Variants in TNFRSF4 observed in about 807,000 individuals in gnomAD.
TNFRSF4 encodes the protein TNF receptor superfamily member 4.
Under a neutral mutation model 29.5 loss-of-function variants are expected in TNFRSF4, and 21 were observed. That is an observed-to-expected ratio of 0.71 (90% CI 0.51 to 1.03). The LOEUF (loss-of-function observed/expected upper bound fraction) is 1.03, where lower values mean the gene tolerates loss of function less well. Among genes scored for constraint, TNFRSF4 ranks in the 50% least tolerant of loss-of-function variants. The probability of loss-of-function intolerance (pLI) is 0.00; values close to 1 mark genes in which losing one functional copy is unlikely to be tolerated. For synonymous variants in TNFRSF4, 197 were observed against 172.7 expected, an observed-to-expected ratio of 1.14 and a Z score of -1.10; for missense variants, 408 against 387.8, an observed-to-expected ratio of 1.05 and a Z score of -0.44.
At position 1,211,688 on chromosome 1, in the gene TNFRSF4, G is replaced by T; in HGVS notation, c.763+16C>A. 1 of 1,591,588 alleles carries T rather than the reference G, an allele frequency of 6.3e-7. No individual in the cohort carries two copies. The highest frequency in any genetic ancestry group is 1.1e-5 in the South Asian group (1 of 88,928). ...CACCCGCCAGGAGCAGTGCGGCAGG[G>T]CCATGAGGCACTCACCAGGGGGCTT... On this transcript the variant is annotated intron_variant, in intron 6 of 6. Coordinates refer to ENST00000379236, the MANE Select transcript of TNFRSF4 (RefSeq NM_003327.4).
At chr1:1,213,444 T>C in intron 2 of TNFRSF4, 1 of 1,524,950 alleles carries the variant, frequency 6.6e-7, no homozygotes, top group Admixed American at 2.1e-5. Flanking sequence ...TCTCCCCGAC[T>C]CCACGTGGCC....
chr1:1,211,948 G>A lies in TNFRSF4; in HGVS notation c.628C>T (p.Pro210Ser), dbSNP rs1370526021. ...CTGGGCCAGGCGCCCTTACCCCCGGGGACCTCCACGGGCCGGGTGGAGGGT... is the reference window on the plus strand; with the variant it reads ...CTGGGCCAGGCGCCCTTACCCCCGGAGACCTCCACGGGCCGGGTGGAGGGT... ...QGPSTRPVEV[P>S]GGRAVAAILG... is the part of the protein sequence containing the mutation. Residue 210 changes from proline (P) to serine (S), a missense_variant, in exon 5 of 7, where the codon CCC becomes TCC. Coordinates refer to ENST00000379236, the MANE Select transcript of TNFRSF4 (RefSeq NM_003327.4). 1 of 1,567,970 alleles carries A rather than the reference G, an allele frequency of 6.4e-7. No homozygotes were observed.
intron 3 of TNFRSF4, 25 bp downstream of exon 3, chr1:1,212,967 C>T (rs1168291843): frequency 7.5e-6 from 12 of 1,593,934 alleles, no homozygotes; most frequent in African/African-American, 4.0e-5. Flanking sequence ...CACCCCCAAC[C>T]GCCGGCCGCA....
At chr1:1,212,816 G>T in intron 3 of TNFRSF4, 112 bp from the exon 4 acceptor site, 1 of 1,217,366 alleles carries the variant, frequency 8.2e-7, no homozygotes, top group Non-Finnish European at 1.1e-6. Context: ...GGTGGGTTTG[G>T]CCTCTGGAAG....
rs777266991 is a variant in TNFRSF4, at chr1:1,213,030, G to C, written c.332C>G (p.Ala111Gly). 6.2e-6 allele frequency: 10 copies of C among 1,611,480 alleles called. No homozygotes were observed. The highest frequency in any genetic ancestry group is 8.5e-6 in the Non-Finnish European group (10 of 1,179,500). ...ATQDTVCRCR[A>G]GTQPLDSYKP... The stretch of plus-strand genomic sequence containing the variant: ...GTAGCTGTCCAGGGGCTGGGTGCCC[G>C]CCCGGCAGCGGCAGACTGTGTCCTG... Residue 111 changes from alanine (A) to glycine (G), a missense_variant, in exon 3 of 7, where the codon GCG (alanine) becomes GGG (glycine). Coordinates refer to ENST00000379236, the MANE Select transcript of TNFRSF4 (RefSeq NM_003327.4).
intron 3 of TNFRSF4, 34 bp from the exon 4 acceptor site, chr1:1,212,738 A>C: frequency 6.7e-7 from 1 of 1,497,428 alleles, no homozygotes; most frequent in East Asian, 2.4e-5. Context: ...GGGGCTGCCC[A>C]CAGGCCCCGG....
In TNFRSF4 at chr1:1,212,637, C is replaced by G; in HGVS notation, c.437+1G>C. The stretch of plus-strand genomic sequence containing the variant: ...TCCCAGCCCCTGGCCAGGCCCCTCA[C>G]TTGGTCCAGGGCTTGCAGGCCTGGT... On this transcript the variant is annotated splice_donor_variant, in intron 4 of 6. Transcript: ENST00000379236. LOFTEE classifies it high-confidence loss of function. The G allele has an allele frequency of 6.5e-7, 1 of 1,537,470 alleles. No individual in the cohort carries two copies. Among genetic ancestry groups the G allele is most frequent in the Non-Finnish European group, 8.8e-7 (1 of 1,140,858 alleles).
intron 2 of TNFRSF4, chr1:1,213,344 C>CGCCA: frequency 6.5e-7 from 1 of 1,530,002 alleles, no homozygotes; most frequent in Non-Finnish European, 8.7e-7. Flanking sequence ...CGCCTCCAGC[C>CGCCA]GCCAGCCCCG....
In TNFRSF4 at chr1:1,213,031, C is replaced by A; in HGVS notation, c.331G>T (p.Ala111Ser). 6.2e-7 allele frequency: 1 copy of A among 1,611,628 alleles called. No individual in the cohort carries two copies. ...TAGCTGTCCAGGGGCTGGGTGCCCG[C>A]CCGGCAGCGGCAGACTGTGTCCTGT... Reference protein sequence around the residue: ...ATQDTVCRCRAGTQPLDSYKP... With the variant: ...ATQDTVCRCRSGTQPLDSYKP... Residue 111 changes from alanine to serine, a missense_variant, in exon 3 of 7, where the codon GCG (alanine) becomes TCG (serine). Ala to Ser is a moderately conservative substitution (Grantham distance 99). Coordinates refer to ENST00000379236, the MANE Select transcript of TNFRSF4 (RefSeq NM_003327.4).
intron 4 of TNFRSF4, 36 bp from the exon 5 acceptor site, chr1:1,212,174 AC>A (rs748683115): frequency 5.6e-6 from 9 of 1,606,602 alleles, no homozygotes; most frequent in Non-Finnish European, 6.8e-6. Context: ...CAGGCCAGAA[AC>A]CCCCTGGGAC....
At chr1:1,213,606 G>A (rs1649308747) in intron 2 of TNFRSF4, 57 bp downstream of exon 2, 6 of 1,519,652 alleles carry the variant, frequency 3.9e-6, no homozygotes, top group Non-Finnish European at 5.3e-6. Flanking sequence ...GGGAATGTGG[G>A]TGCCAGGCTG....
chr1:1,213,652 T>C lies in TNFRSF4; in HGVS notation c.268+11A>G. ...TGCTGGGTGGGGCTGTGGGGCCAGG[T>C]GGGAGCTCACTGAGGTTACACCACG... is the stretch of plus-strand genomic sequence containing the variant. On this transcript the variant is annotated intron_variant, in intron 2 of 6. Transcript: ENST00000379236. 6.3e-7 allele frequency: 1 copy of C among 1,581,364 alleles called. No individual in the cohort carries two copies. Among genetic ancestry groups the C allele is most frequent in the Non-Finnish European group, 8.6e-7 (1 of 1,163,836 alleles).
rs780202182 is a variant in TNFRSF4 at position 1,211,960 on chromosome 1, G to A, written c.616C>T (p.Pro206Ser). 1 of 1,582,552 alleles carries A rather than the reference G, an allele frequency of 6.3e-7. No homozygotes were observed. The highest frequency in any genetic ancestry group is 1.8e-5 in the Admixed American group (1 of 54,974). The change falls in exon 5 of 7, where the codon CCC (proline) becomes TCC (serine). Residue 206 changes from proline to serine, a missense_variant. Physicochemically the swap from Pro to Ser is moderately conservative, Grantham distance 74. Transcript: ENST00000379236. The stretch of plus-strand genomic sequence containing the variant: ...CCCTTACCCCCGGGGACCTCCACGG[G>A]CCGGGTGGAGGGTCCCTGTGAGGTT... ...PRTSQGPSTR[P>S]VEVPGGRAVA...
At position 1,211,410 on chromosome 1, in the gene TNFRSF4, C is replaced by T; in HGVS notation, c.*145G>A. ...ATGCATGGCATACGTAAGCAGAGAG[C>T]CGGAGGCAGCCATCGGCACCTAGAA... On this transcript the variant is annotated 3_prime_UTR_variant, in exon 7 of 7. Coordinates refer to ENST00000379236, the MANE Select transcript of TNFRSF4 (RefSeq NM_003327.4). 1.4e-6 allele frequency: 1 copy of T among 738,536 alleles called. No homozygotes were observed. The allele number at this position is 738,536 out of a possible 1,614,324, so 45.7% of individuals were successfully genotyped here.
rs537939136 is a variant in TNFRSF4 at position 1,213,113 on chromosome 1, G to T, written c.269-20C>A. On this transcript the variant is annotated intron_variant, in intron 2 of 6. Coordinates refer to ENST00000379236, the MANE Select transcript of TNFRSF4 (RefSeq NM_003327.4). ...CACTTCCTGAGCAGGGGCCGGATGGGGGGGTGGTCAGGTGGGGGCTGTGGA... is the reference window on the plus strand; with the variant it reads ...CACTTCCTGAGCAGGGGCCGGATGGTGGGGTGGTCAGGTGGGGGCTGTGGA... The T allele has an allele frequency of 3.1e-6, 5 of 1,600,042 alleles. No individual in the cohort carries two copies. In the South Asian group the frequency reaches 4.5e-5, roughly 14 times the overall value.
In TNFRSF4 at chr1:1,213,995, C is replaced by G. The variant is rs1365748174; in HGVS notation, c.133G>C (p.Glu45Gln). 1 of 1,604,184 alleles carries G rather than the reference C, an allele frequency of 6.2e-7. No homozygotes were observed. The highest frequency in any genetic ancestry group is 2.2e-5 in the East Asian group (1 of 44,638). ...TYPSNDRCCH[E>Q]CRPGNGMVSR... ...CCTGAGGCCTCACCTGGCCTGCACT[C>G]GTGGCAGCACCGGTCGTTGCTGGGG... Residue 45 changes from glutamate to glutamine, a missense_variant, in exon 1 of 7, where the codon GAG (glutamate) becomes CAG (glutamine). By Grantham distance (29) the Glu-to-Gln change is conservative. Coordinates refer to ENST00000379236, the MANE Select transcript of TNFRSF4 (RefSeq NM_003327.4).
chr1:1,212,570 G>C (rs1438999897), intron 4 of TNFRSF4, 68 bp downstream of exon 4: 2 of 336,864 alleles, frequency 5.9e-6, no homozygotes, highest in Non-Finnish European at 9.1e-6. Flanking sequence ...CAGCTCCCCA[G>C]CTCCTCCGCC....
At chr1:1,213,843 C>A in intron 1 of TNFRSF4, 58 bp from the exon 2 acceptor site, 1 of 1,519,770 alleles carries the variant, frequency 6.6e-7, no homozygotes. Flanking sequence ...CCCGTGGACC[C>A]CCCCAGGCGG....
At position 1,211,634 on chromosome 1, in the gene TNFRSF4, G is replaced by A. The variant is rs1649108146; in HGVS notation, c.764-9C>T. ...CCGGAAACTGCCTCCCCCTGGGGAG[G>A]AAAAAAGGAGAGATTGGTGGGTGGG... On this transcript the variant is annotated splice_polypyrimidine_tract_variant and intron_variant, in intron 6 of 6. Coordinates refer to ENST00000379236, the MANE Select transcript of TNFRSF4 (RefSeq NM_003327.4). 4.5e-6 allele frequency: 7 copies of A among 1,557,664 alleles called. No individual in the cohort carries two copies. In the East Asian group the frequency reaches 1.6e-4, roughly 37 times the overall value.
Sources: allele counts gnomAD v4.1 joint callset, GRCh38; gene constraint gnomAD v4.1.1; transcripts MANE v1.5; gene names NCBI Gene and HGNC (gene_info 2026-07-23, HGNC 2026-07-21).